The following ZSCAN25 variants were observed in gnomAD, a reference collection of about 807,000 sequenced individuals.
The protein encoded by ZSCAN25 is zinc finger and SCAN domain containing 25, also known as zinc finger and SCAN domain-containing protein 25.
ZSCAN25 carries 27 observed loss-of-function variants against 38.7 expected under a neutral mutation model. The observed-to-expected ratio is 0.70, with a 90% CI of 0.51 to 0.96. ZSCAN25 has a LOEUF of 0.96. Among genes scored for constraint, ZSCAN25 ranks in the 40% least tolerant of loss-of-function variants. ZSCAN25 has a pLI of 0.00. For missense variants in ZSCAN25, 637 were observed against 705.9 expected, an observed-to-expected ratio of 0.90 and a Z score of 1.11; for synonymous variants, 273 against 277.7, an observed-to-expected ratio of 0.98 and a Z score of 0.17.
the ZSCAN25 span, among the ~76,000 whole-genome samples, chr7:99,670,583 T>C: frequency 2.6e-5 from 4 of 152,200 alleles, no homozygotes; most frequent in Non-Finnish European, 2.9e-5. Context: ...TGAAATGGAA[T>C]GCCTAGAGCT....
the ZSCAN25 span, among the ~76,000 whole-genome samples, chr7:99,735,615 A>C: frequency 3.2e-3 from 482 of 152,276 alleles, 1 homozygote; most frequent in African/African-American, 0.011. Context: ...ACCCAGCCAG[A>C]CAGAGCCTTC....
rs1411392617 is a variant in ZSCAN25 at position 99,630,143 on chromosome 7, G to A, written c.*123G>A. Reference sequence around the variant, plus strand: ...CCTTCCCACCCATTCGCCAACGCGGGAAAGGCAAGGCCTGGCTTACTTAGA... The same window carrying A: ...CCTTCCCACCCATTCGCCAACGCGGAAAAGGCAAGGCCTGGCTTACTTAGA... On this transcript the variant is annotated 3_prime_UTR_variant, in exon 8 of 8. Transcript: ENST00000394152. 7.0e-7 allele frequency: 1 copy of A among 1,425,714 alleles called. No homozygotes were observed. The highest frequency in any genetic ancestry group is 2.5e-5 in the East Asian group (1 of 39,444). The allele number at this position is 1,425,714 out of a possible 1,614,324, so 88.3% of individuals were successfully genotyped here. A position where few individuals can be genotyped will look rare whatever the true frequency, so the allele number is the denominator to read the frequency against.
the ZSCAN25 span, among the ~76,000 whole-genome samples, chr7:99,698,885 T>C: frequency 2.6e-5 from 4 of 152,252 alleles, no homozygotes. Context: ...CACAACTCAC[T>C]GAATTCCTAA....
chr7:99,698,097 C>T, the ZSCAN25 span, among the ~76,000 whole-genome samples: 1 of 152,110 alleles, frequency 6.6e-6, no homozygotes, highest in South Asian at 2.1e-4. Context: ...AGTAATACCA[C>T]TTTTGGTTCC....
chr7:99,666,999 T>A, the ZSCAN25 span: 1 of 1,614,170 alleles, frequency 6.2e-7, no homozygotes, highest in Non-Finnish European at 8.5e-7. Context: ...AATGACCGTA[T>A]TCTCTTCCAT....
the ZSCAN25 span, among the ~76,000 whole-genome samples, chr7:99,713,813 T>A: frequency 1.3e-5 from 2 of 152,220 alleles, no homozygotes; most frequent in Non-Finnish European, 2.9e-5. Context: ...GGGCCTTTTA[T>A]TCTTCTGTCT....
the ZSCAN25 span, chr7:99,674,712 A>G: frequency 2.9e-6 from 2 of 685,252 alleles, no homozygotes; most frequent in Non-Finnish European, 5.0e-6. Context: ...CAGTTGAAGG[A>G]AGCTATTCAG....
the ZSCAN25 span, chr7:99,713,399 G>A: frequency 6.2e-7 from 1 of 1,600,984 alleles, no homozygotes. Context: ...AATACTTCCT[G>A]CACATTTTCA....
At chr7:99,662,638 C>T in the ZSCAN25 span, among the ~76,000 whole-genome samples, 40 of 152,296 alleles carry the variant, frequency 2.6e-4, no homozygotes, top group African/African-American at 9.4e-4. This position sits in a 1 kb window ranked among gnomAD's most constrained non-coding sequence, Gnocchi z 4.3. Context: ...TGGAACATGG[C>T]TATACCTGTG....
At chr7:99,715,882 A>G in the ZSCAN25 span, 41 of 1,613,748 alleles carry the variant, frequency 2.5e-5, no homozygotes, top group Non-Finnish European at 3.2e-5. Flanking sequence ...TAGTGATCAC[A>G]TCCATGCTGT....
At chr7:99,729,669 A>G in the ZSCAN25 span, among the ~76,000 whole-genome samples, 4 of 152,114 alleles carry the variant, frequency 2.6e-5, no homozygotes, top group African/African-American at 9.7e-5. Flanking sequence ...TGATTGATCA[A>G]TCAACCTGGT....
At chr7:99,705,381 T>C in the ZSCAN25 span, 1 of 1,131,014 alleles carries the variant, frequency 8.8e-7, no homozygotes, top group Non-Finnish European at 1.3e-6. Context: ...TGATTATTTA[T>C]GCAGCACATT....
chr7:99,630,394 C>T lies in ZSCAN25; in HGVS notation c.*374C>T. 1 of 1,046,308 alleles carries T rather than the reference C, an allele frequency of 9.6e-7. No homozygotes were observed. Among genetic ancestry groups the T allele is most frequent in the Non-Finnish European group, 1.2e-6 (1 of 868,498 alleles). 64.8% of individuals were successfully genotyped at this position (1,046,308 alleles called of 1,614,324 possible). On this transcript the variant is annotated 3_prime_UTR_variant, in exon 8 of 8. Transcript: ENST00000394152. ...CTTCCTGAGGGCTCTGTCTTGCCTGCAGGGTCATAGCTCAGACTCTTCCCC... is the reference window on the plus strand; with the variant it reads ...CTTCCTGAGGGCTCTGTCTTGCCTGTAGGGTCATAGCTCAGACTCTTCCCC...
chr7:99,630,850 T>C lies in ZSCAN25; in HGVS notation c.*830T>C. On this transcript the variant is annotated 3_prime_UTR_variant, in exon 8 of 8. Coordinates refer to ENST00000394152, the MANE Select transcript of ZSCAN25 (RefSeq NM_145115.3). ...ATCACTGAATAAACATCAGAGTATT[T>C]TAAAAAACAGTTCTCTAGAAAGAAC... is the stretch of plus-strand genomic sequence containing the variant. The C allele has an allele frequency of 1.0e-6, 1 of 985,158 alleles. No homozygotes were observed. Among genetic ancestry groups the C allele is most frequent in the South Asian group, 4.7e-5 (1 of 21,282 alleles). The allele number at this position is 985,158 out of a possible 1,614,324, so 61.0% of individuals were successfully genotyped here. A position where few individuals can be genotyped will look rare whatever the true frequency, so the allele number is the denominator to read the frequency against.
At chr7:99,617,155 G>A (rs1299780040) in intron 1 of ZSCAN25, 139 bp downstream of exon 1, 2 of 152,312 alleles carry the variant, frequency 1.3e-5, no homozygotes, top group African/African-American at 4.8e-5. Context: ...CCCCGGCTGA[G>A]GGCGGCAAGT....
At chr7:99,702,222 TGGGACTACA>T in the ZSCAN25 span, among the ~76,000 whole-genome samples, 1 of 152,038 alleles carries the variant, frequency 6.6e-6, no homozygotes, top group Non-Finnish European at 1.5e-5. Context: ...CCTGAGTAGC[TGGGACTACA>T]GGCATGCACC....
the ZSCAN25 span, among the ~76,000 whole-genome samples, chr7:99,645,662 T>C: frequency 6.6e-6 from 1 of 152,200 alleles, no homozygotes; most frequent in Non-Finnish European, 1.5e-5. Context: ...TGGTGTTAGA[T>C]GGTATCTTAT....
chr7:99,630,144 A>G lies in ZSCAN25; in HGVS notation c.*124A>G. 1 of 1,425,632 alleles carries G rather than the reference A, an allele frequency of 7.0e-7. No homozygotes were observed. Among genetic ancestry groups the G allele is most frequent in the Non-Finnish European group, 9.1e-7 (1 of 1,094,452 alleles). The allele number at this position is 1,425,632 out of a possible 1,614,324, so 88.3% of individuals were successfully genotyped here. On this transcript the variant is annotated 3_prime_UTR_variant, in exon 8 of 8. Coordinates refer to ENST00000394152, the MANE Select transcript of ZSCAN25 (RefSeq NM_145115.3). ...CTTCCCACCCATTCGCCAACGCGGG[A>G]AAGGCAAGGCCTGGCTTACTTAGAG...
chr7:99,715,882 A>T, the ZSCAN25 span: 2 of 1,613,748 alleles, frequency 1.2e-6, no homozygotes, highest in Non-Finnish European at 1.7e-6. Flanking sequence ...TAGTGATCAC[A>T]TCCATGCTGT....
Sources: allele counts gnomAD v4.1 joint callset (sites outside exome capture counted in the v4.1 genomes callset), GRCh38; gene constraint gnomAD v4.1.1; non-coding constraint Gnocchi (gnomAD v3.1); transcripts MANE v1.5; gene names NCBI Gene and HGNC (gene_info 2026-07-23, HGNC 2026-07-21).